Variants in NDUFAF6 observed in about 807,000 individuals in gnomAD.
The protein encoded by NDUFAF6 is NADH:ubiquinone oxidoreductase complex assembly factor 6, also known as NADH dehydrogenase (ubiquinone) complex I, assembly factor 6.
A neutral mutation model predicts 40.8 loss-of-function variants in NDUFAF6; 45 were observed. The observed-to-expected ratio is 1.10, with a 90% CI of 0.87 to 1.42. The LOEUF (loss-of-function observed/expected upper bound fraction) is 1.42. Ranked by LOEUF, NDUFAF6 falls within the 40% of genes most tolerant of loss-of-function variation. The pLI is 0.00. For synonymous variants in NDUFAF6, 185 were observed against 155.9 expected, an observed-to-expected ratio of 1.19 and a Z score of -1.39; for missense variants, 435 against 418.5, an observed-to-expected ratio of 1.04 and a Z score of -0.34.
At chr8:94,998,529 G>C (rs1421670807) in intron 2 of NDUFAF6, among the ~76,000 whole-genome samples, 2 of 152,148 alleles carry the variant, frequency 1.3e-5, no homozygotes, top group Non-Finnish European at 2.9e-5. Flanking sequence ...TTCTTTATAA[G>C]AGCTTTTCCC....
intron 1 of NDUFAF6, among the ~76,000 whole-genome samples, chr8:94,962,241 A>G (rs1487956195): frequency 1.3e-5 from 2 of 152,252 alleles, no homozygotes; most frequent in Non-Finnish European, 2.9e-5. Flanking sequence ...TGGACAGGAT[A>G]GAAAGACAGG....
At chr8:95,019,159 C>G (rs543783690) in intron 2 of NDUFAF6, among the ~76,000 whole-genome samples, 6 of 152,132 alleles carry the variant, frequency 3.9e-5, no homozygotes, top group African/African-American at 1.2e-4. Context: ...TACAGGTTTG[C>G]GCCACCATGC....
chr8:95,030,472 C>G (rs961396844), intron 1 of NDUFAF6, among the ~76,000 whole-genome samples: 2 of 152,054 alleles, frequency 1.3e-5, no homozygotes, highest in Non-Finnish European at 2.9e-5. Context: ...TGACCTCAAG[C>G]CATCCTCCCT....
chr8:95,040,994 G>T (rs1175171663), intron 3 of NDUFAF6: 3 of 152,302 alleles, frequency 2.0e-5, no homozygotes, highest in Admixed American at 6.5e-5. Context: ...GATTATTTTT[G>T]TTGGAGTTTT....
rs193112543 is a variant in NDUFAF6 at position 94,971,445 on chromosome 8, C to T, written c.-198-9414C>T. On this transcript the variant is annotated intron_variant, in intron 1 of 9. Transcript: ENST00000396111. ...CTGCTCAGAACCACCAGAGTGACTC[C>T]AGATGGATCATTGGGCTTCTTCCAT... 1.5e-3 allele frequency among the ~76,000 whole-genome samples: 223 copies of T among 152,278 alleles called. 1 individual carries two copies. The highest frequency in any genetic ancestry group is 5.1e-3 in the African/African-American group (214 of 41,564).
intron 2 of NDUFAF6, among the ~76,000 whole-genome samples, chr8:94,989,561 A>C (rs1447956231): frequency 2.0e-5 from 3 of 152,230 alleles, no homozygotes; most frequent in Non-Finnish European, 4.4e-5. Context: ...TGAATGAGTG[A>C]ATAATGAATC....
chr8:94,976,316 C>T (rs754945711), intron 1 of NDUFAF6, among the ~76,000 whole-genome samples: 1 of 151,826 alleles, frequency 6.6e-6, no homozygotes, highest in Non-Finnish European at 1.5e-5. Context: ...CCATCCTAGC[C>T]AACGTGGTGA....
chr8:94,897,378 C>T (rs1019348542), intron 1 of NDUFAF6, among the ~76,000 whole-genome samples: 3 of 152,066 alleles, frequency 2.0e-5, no homozygotes, highest in African/African-American at 7.2e-5. Context: ...AGTGAATTCT[C>T]CCATATTACA....
intron 1 of NDUFAF6, among the ~76,000 whole-genome samples, chr8:94,931,121 A>G (rs1399712028): frequency 6.6e-6 from 1 of 152,240 alleles, no homozygotes; most frequent in Non-Finnish European, 1.5e-5. Flanking sequence ...CCATAATCTT[A>G]AAAGGAAAAT....
chr8:95,102,278 G>A (rs1315688105), intron 2 of NDUFAF6, among the ~76,000 whole-genome samples: 1 of 152,218 alleles, frequency 6.6e-6, no homozygotes, highest in African/African-American at 2.4e-5. Flanking sequence ...TTACAGGCAG[G>A]AGCCACCACA....
chr8:95,077,401 A>G (rs1034257928), downstream of NDUFAF6, among the ~76,000 whole-genome samples: 12 of 152,058 alleles, frequency 7.9e-5, no homozygotes, highest in East Asian at 1.9e-3. Context: ...CCCTATATAT[A>G]CTATATTTTT....
chr8:94,955,855 C>T (rs1318618710), upstream of NDUFAF6, among the ~76,000 whole-genome samples: 2 of 152,160 alleles, frequency 1.3e-5, no homozygotes, highest in African/African-American at 4.8e-5. Context: ...ATGTTTAAAA[C>T]CATAGTTTGG....
In NDUFAF6 at chr8:94,912,369, G is replaced by A. The variant is rs142091318; in HGVS notation, c.-936+16442G>A. Among the ~76,000 whole-genome samples, 541 of 152,286 alleles carry A rather than the reference G, an allele frequency of 3.6e-3. 1 individual carries two copies. The highest frequency in any genetic ancestry group is 5.0e-3 in the Non-Finnish European group (340 of 68,026). Reference sequence around the variant, plus strand: ...TTTCAGATTTTTTGAAAGGAAATATGTATGTATACAAAACCACACATCACA... The same window carrying A: ...TTTCAGATTTTTTGAAAGGAAATATATATGTATACAAAACCACACATCACA... On this transcript the variant is annotated intron_variant, in intron 1 of 14. Coordinates refer to the NDUFAF6 transcript ENST00000396113.
intron 1 of NDUFAF6, among the ~76,000 whole-genome samples, chr8:94,901,837 A>C (rs1393925060): frequency 1.3e-5 from 2 of 152,306 alleles, no homozygotes; most frequent in East Asian, 3.9e-4. Flanking sequence ...CGCTGGCCTC[A>C]GCCTCCCAAA....
intron 1 of NDUFAF6, among the ~76,000 whole-genome samples, chr8:94,906,497 T>A (rs746410794): frequency 6.6e-6 from 1 of 152,206 alleles, no homozygotes; most frequent in Non-Finnish European, 1.5e-5. Context: ...GCCCTTTCCC[T>A]TGGCAACAGG....
chr8:95,118,101 G>C (rs1169758104), downstream of NDUFAF6, among the ~76,000 whole-genome samples: 1 of 152,182 alleles, frequency 6.6e-6, no homozygotes, highest in Non-Finnish European at 1.5e-5. Flanking sequence ...TGGCTCACTT[G>C]TCTGGCTGTA....
chr8:94,967,699 G>A (rs533755713), intron 1 of NDUFAF6, among the ~76,000 whole-genome samples: 1 of 152,028 alleles, frequency 6.6e-6, no homozygotes, highest in African/African-American at 2.4e-5. Flanking sequence ...CCAGCACTTT[G>A]GGAGGCCGAG....
At chr8:95,033,744 A>C (rs1276373988) in intron 2 of NDUFAF6, among the ~76,000 whole-genome samples, 2 of 152,224 alleles carry the variant, frequency 1.3e-5, no homozygotes, top group Non-Finnish European at 2.9e-5. Flanking sequence ...TGAGCTGTAC[A>C]GATATGTGGG....
At chr8:94,909,711 G>T (rs944182118) in intron 1 of NDUFAF6, among the ~76,000 whole-genome samples, 1 of 151,586 alleles carries the variant, frequency 6.6e-6, no homozygotes, top group African/African-American at 2.4e-5. Context: ...GGGTCACTTC[G>T]CCCAGGAGTT....
Sources: allele counts gnomAD v4.1 joint callset (sites outside exome capture counted in the v4.1 genomes callset), GRCh38; gene constraint gnomAD v4.1.1; transcripts MANE v1.5; gene names NCBI Gene and HGNC (gene_info 2026-07-23, HGNC 2026-07-21).